Variants in FOXP1 observed in about 807,000 individuals in gnomAD.
FOXP1 encodes the protein forkhead box protein P1.
A neutral mutation model predicts 98.2 loss-of-function variants in FOXP1; 15 were observed. That is an observed-to-expected ratio of 0.15 (90% CI 0.10 to 0.24). FOXP1 has a LOEUF of 0.24. FOXP1 is among the 10% of genes least tolerant of loss of function. FOXP1 has a pLI of 1.00. For missense variants in FOXP1, 633 were observed against 848.5 expected (o/e 0.75, Z 3.15); for synonymous variants, 371 against 314.5 (o/e 1.18, Z -1.90).
At chr3:71,254,635 A>G (rs192778426) in intron 5 of FOXP1, among the ~76,000 whole-genome samples, 1 of 152,356 alleles carries the variant, frequency 6.6e-6, no homozygotes, top group African/African-American at 2.4e-5. Context: ...AATCTTGTGC[A>G]AAAATACTAG....
intron 3 of FOXP1, among the ~76,000 whole-genome samples, chr3:71,416,484 G>A (rs2083223143): frequency 6.6e-6 from 1 of 151,480 alleles, no homozygotes; most frequent in African/African-American, 2.4e-5. Flanking sequence ...GTTTGATGCT[G>A]CAGGGAGCTA....
intron 5 of FOXP1, among the ~76,000 whole-genome samples, chr3:71,248,349 G>C (rs573523615): frequency 6.6e-6 from 1 of 152,258 alleles, no homozygotes; most frequent in Admixed American, 6.5e-5. Flanking sequence ...CATCAGCCAT[G>C]CTCTCTTCCT....
chr3:71,583,740 G>T, upstream of FOXP1: 1 of 985,408 alleles, frequency 1.0e-6, no homozygotes, highest in Non-Finnish European at 1.2e-6. Flanking sequence ...GCGTGCAACC[G>T]CCACACAATA....
intron 2 of FOXP1, among the ~76,000 whole-genome samples, chr3:71,521,530 A>T (rs2042987867): frequency 6.6e-6 from 1 of 151,284 alleles, no homozygotes; most frequent in Non-Finnish European, 1.5e-5. Flanking sequence ...CTGTCTCAAA[A>T]AAAAAAGGGC....
chr3:71,144,929 T>C (rs1304298402), intron 6 of FOXP1, among the ~76,000 whole-genome samples: 2 of 152,178 alleles, frequency 1.3e-5, no homozygotes, highest in African/African-American at 4.8e-5. Flanking sequence ...TGGAATCATA[T>C]AGTGTGTAAT....
rs746270488 is a variant in FOXP1, at chr3:71,479,961, G to A, written c.-168+13465C>T. On this transcript the variant is annotated intron_variant, in intron 3 of 20. Coordinates refer to ENST00000649528, the MANE Select transcript of FOXP1 (RefSeq NM_001349338.3). ...GCCTGTAATCCCAGCACTTTGGGAG[G>A]ATTAGGCAGGCAGATCACGAGGTCA... 1.8e-4 allele frequency among the ~76,000 whole-genome samples: 27 copies of A among 152,136 alleles called. 1 individual carries two copies. The highest frequency in any genetic ancestry group is 2.8e-4 in the Non-Finnish European group (19 of 68,030).
intron 2 of FOXP1, among the ~76,000 whole-genome samples, chr3:71,536,827 AC>A (rs1232686588): frequency 6.6e-6 from 1 of 151,550 alleles, no homozygotes; most frequent in Non-Finnish European, 1.5e-5. Flanking sequence ...GGGTTCTCCC[AC>A]CCCCACAGAG....
intron 5 of FOXP1, among the ~76,000 whole-genome samples, chr3:71,290,589 T>G (rs976727848): frequency 6.6e-6 from 1 of 152,140 alleles, no homozygotes; most frequent in Non-Finnish European, 1.5e-5. Context: ...ATGAGTGAGA[T>G]CTTGCTCTAC....
At chr3:71,419,452 A>G (rs79048859) in intron 3 of FOXP1, among the ~76,000 whole-genome samples, 1 of 151,964 alleles carries the variant, frequency 6.6e-6, no homozygotes, top group Admixed American at 6.6e-5. Flanking sequence ...AAAAAAAAAA[A>G]GTAGATGTTT....
rs1416113337 is a variant in FOXP1 at position 70,959,294 on chromosome 3, G to A, written c.1987C>T (p.His663Tyr). The change falls in exon 21 of 21, where the codon CAT becomes TAT. Residue 663 changes from histidine to tyrosine, a missense_variant. Physicochemically the swap from His to Tyr is moderately conservative, Grantham distance 83. Coordinates refer to ENST00000649528, the MANE Select transcript of FOXP1 (RefSeq NM_001349338.3). The part of the protein sequence containing the change: ...TTANHSPDFD[H>Y]DRDYEDEPVN... ...GGTTCATCTTCGTAATCTCTGTCAT[G>A]GTCAAAATCTGGACTGTGGTTGGCT... is the stretch of plus-strand genomic sequence containing the variant. The A allele has an allele frequency of 6.2e-7, 1 of 1,613,486 alleles. No individual in the cohort carries two copies. The highest frequency in any genetic ancestry group is 8.5e-7 in the Non-Finnish European group (1 of 1,179,924).
intron 3 of FOXP1, among the ~76,000 whole-genome samples, chr3:71,468,160 T>A (rs2088966723): frequency 6.6e-6 from 1 of 151,896 alleles, no homozygotes; most frequent in Non-Finnish European, 1.5e-5. Flanking sequence ...TCATTTTTGG[T>A]GAGATAAAAA....
At position 71,583,572 on chromosome 3, in the gene FOXP1, C is replaced by G. The variant is rs1326855065; in HGVS notation, c.-448G>C. On this transcript the variant is annotated splice_region_variant and 5_prime_UTR_variant, in exon 1 of 21. Coordinates refer to ENST00000649528, the MANE Select transcript of FOXP1 (RefSeq NM_001349338.3). The stretch of plus-strand genomic sequence containing the variant: ...AGAAATGGAAAAATACAAACTCACC[C>G]GCTGCAAATGGTCTCTCGGTGCAAA... The G allele has an allele frequency of 1.0e-6, 1 of 983,696 alleles. No homozygotes were observed. The highest frequency in any genetic ancestry group is 1.8e-5 in the African/African-American group (1 of 56,668). 60.9% of individuals were successfully genotyped at this position (983,696 alleles called of 1,614,324 possible).
At chr3:71,454,678 C>T (rs2108511531) in intron 3 of FOXP1, among the ~76,000 whole-genome samples, 1 of 152,184 alleles carries the variant, frequency 6.6e-6, no homozygotes, top group Non-Finnish European at 1.5e-5. Flanking sequence ...TCTAGAAGAA[C>T]TATGATGCAG....
chr3:71,045,055 G>A (rs1401118017), intron 10 of FOXP1, among the ~76,000 whole-genome samples: 1 of 152,186 alleles, frequency 6.6e-6, no homozygotes, highest in African/African-American at 2.4e-5. Context: ...CTGATTCAGA[G>A]AGATGGAAAT....
chr3:71,417,143 T>TGGAGCTGC (rs1204606538), intron 3 of FOXP1, among the ~76,000 whole-genome samples: 1 of 152,134 alleles, frequency 6.6e-6, no homozygotes, highest in Admixed American at 6.5e-5. Context: ...AGACCACAGG[T>TGGAGCTGC]GGAGCTGCGG....
intron 2 of FOXP1, chr3:71,574,414 T>C (rs2047570211): frequency 6.6e-6 from 1 of 152,234 alleles, no homozygotes; most frequent in Non-Finnish European, 1.5e-5. Context: ...TGGTTAGATC[T>C]TTAGTTGAAG....
intron 11 of FOXP1, among the ~76,000 whole-genome samples, chr3:71,027,263 A>G (rs2046258831): frequency 6.6e-6 from 1 of 152,228 alleles, no homozygotes; most frequent in South Asian, 2.1e-4. Context: ...CAACGACCGT[A>G]AACAAAGTTC....
chr3:71,389,732 C>A (rs946032068), intron 3 of FOXP1, among the ~76,000 whole-genome samples: 1 of 151,966 alleles, frequency 6.6e-6, no homozygotes, highest in Non-Finnish European at 1.5e-5. Context: ...TTTTTAATCA[C>A]TTTTTTTGCA....
intron 20 of FOXP1, among the ~76,000 whole-genome samples, chr3:70,964,724 C>G (rs1172454827): frequency 6.6e-6 from 1 of 152,162 alleles, no homozygotes; most frequent in African/African-American, 2.4e-5. Context: ...TGCTAAGATA[C>G]TGTTCATATA....
Sources: gnomAD v4.1 joint callset for allele counts (sites outside exome capture counted in the v4.1 genomes callset) on GRCh38, gnomAD v4.1.1 for gene constraint, MANE v1.5 for transcripts, NCBI Gene and HGNC (gene_info 2026-07-23, HGNC 2026-07-21) for gene names.